The following PIK3C3 variants were observed in gnomAD, a reference collection of about 807,000 sequenced individuals.
PIK3C3 encodes phosphatidylinositol 3-kinase catalytic subunit type 3.
PIK3C3 carries 95 observed loss-of-function variants against 126.1 expected under a neutral mutation model. The observed-to-expected ratio is 0.75, with a 90% CI of 0.64 to 0.89. The LOEUF is 0.89. Among genes scored for constraint, PIK3C3 ranks in the 40% least tolerant of loss-of-function variants. PIK3C3 has a pLI of 0.00. For synonymous variants in PIK3C3, 374 were observed against 360.0 expected (o/e 1.04, Z -0.44); for missense variants, 829 against 1,063.2 (o/e 0.78, Z 3.06).
intron 23 of PIK3C3, among the ~76,000 whole-genome samples, chr18:42,065,588 A>G (rs1277293259): frequency 1.3e-5 from 2 of 152,218 alleles, no homozygotes; most frequent in Non-Finnish European, 2.9e-5. Context: ...AGGAACAGGA[A>G]CGATGTCAAT....
At chr18:42,068,229 CA>C (rs1381395806) in intron 24 of PIK3C3, among the ~76,000 whole-genome samples, 1 of 152,164 alleles carries the variant, frequency 6.6e-6, no homozygotes, top group African/African-American at 2.4e-5. Flanking sequence ...CTTTTTAACC[CA>C]GTTTTTTTAA....
At chr18:42,038,242 T>G (rs1411547568) in intron 17 of PIK3C3, among the ~76,000 whole-genome samples, 1 of 152,128 alleles carries the variant, frequency 6.6e-6, no homozygotes, top group Non-Finnish European at 1.5e-5. Flanking sequence ...ACAACCCTAT[T>G]GTTCATTGAA....
intron 3 of PIK3C3, among the ~76,000 whole-genome samples, chr18:41,964,093 A>G (rs985008114): frequency 2.0e-5 from 3 of 151,988 alleles, no homozygotes; most frequent in Admixed American, 2.0e-4. Context: ...TTGTGCTTTT[A>G]TTCCTTTATA....
intron 14 of PIK3C3, 117 bp from the exon 15 acceptor site, chr18:42,029,208 G>T: frequency 4.6e-6 from 3 of 653,944 alleles, no homozygotes; most frequent in African/African-American, 1.8e-5. Flanking sequence ...TTTCAGTTTT[G>T]CTTTCTATTT....
chr18:42,011,201 A>C (rs1201200196), intron 10 of PIK3C3, among the ~76,000 whole-genome samples: 1 of 152,196 alleles, frequency 6.6e-6, no homozygotes, highest in Non-Finnish European at 1.5e-5. Context: ...CAGTGGCTTC[A>C]ACTTAAAGTC....
intron 4 of PIK3C3, among the ~76,000 whole-genome samples, chr18:41,982,376 T>G (rs1274714477): frequency 6.6e-6 from 1 of 152,198 alleles, no homozygotes; most frequent in Non-Finnish European, 1.5e-5. Flanking sequence ...TGGATCTAGT[T>G]GAAGGGCCCT....
intron 21 of PIK3C3, among the ~76,000 whole-genome samples, chr18:42,054,136 A>ATCTATC (rs1568002641): frequency 8.2e-5 from 1 of 12,264 alleles, no homozygotes; most frequent in East Asian, 2.7e-3. Flanking sequence ...GTATATATAT[A>ATCTATC]TATATATATA....
At position 41,970,379 on chromosome 18, in the gene PIK3C3, G is replaced by A. The variant is rs758382094; in HGVS notation, c.454G>A (p.Asp152Asn). ...DLKVWPNVEA[D>N]GSEPTKTPGR... Reference sequence around the variant, plus strand: ...GAAAGTCTGGCCTAATGTAGAAGCAGATGGATCAGAACCCACAAAAACTCC... The same window carrying A: ...GAAAGTCTGGCCTAATGTAGAAGCAAATGGATCAGAACCCACAAAAACTCC... Residue 152 changes from aspartate to asparagine, a missense_variant, in exon 4 of 25, where the codon GAT becomes AAT. Around this residue, in one of 4 missense-constraint regions of PIK3C3, gnomAD observed 313 missense variants for 340.7 expected, o/e 0.92. Transcript: ENST00000262039. 1 of 1,613,246 alleles carries A rather than the reference G, an allele frequency of 6.2e-7. No individual in the cohort carries two copies. Among genetic ancestry groups the A allele is most frequent in the Non-Finnish European group, 8.5e-7 (1 of 1,179,308 alleles).
chr18:42,075,611 T>TAGATG (rs1357938549), intron 24 of PIK3C3, among the ~76,000 whole-genome samples: 2 of 151,710 alleles, frequency 1.3e-5, no homozygotes, highest in African/African-American at 4.8e-5. Context: ...CTAAGGTTAA[T>TAGATG]AGATGACAAA....
At chr18:42,017,208 A>G (rs1361017555) in intron 12 of PIK3C3, among the ~76,000 whole-genome samples, 1 of 152,102 alleles carries the variant, frequency 6.6e-6, no homozygotes, top group African/African-American at 2.4e-5. Flanking sequence ...ATCAAGCTGA[A>G]TTACCTCTCT....
In PIK3C3 at chr18:42,076,107, TATATATATATATATGCGC is replaced by T. The variant is rs1378868979; in HGVS notation, c.2650-5001_2650-4984del. ...TACCTTGCATATATATATATATATA[TATATATATATATATGCGC>T]ATATATATATATATATATGCGCATA... On this transcript the variant is annotated intron_variant, in intron 24 of 24. Coordinates refer to ENST00000262039, the MANE Select transcript of PIK3C3 (RefSeq NM_002647.4). Among the ~76,000 whole-genome samples, 73 of 77,540 alleles carry T rather than the reference TATATATATATATATGCGC, an allele frequency of 9.4e-4. 1 individual carries two copies. Among genetic ancestry groups the T allele is most frequent in the East Asian group, 2.5e-3 (7 of 2,780 alleles). The allele number at this position is 77,540 out of a possible 152,430, so 50.9% of individuals were successfully genotyped here. A position where few individuals can be genotyped will look rare whatever the true frequency, so the allele number is the denominator to read the frequency against.
rs142355541 is a variant in PIK3C3 at position 41,982,054 on chromosome 18, C to G, written c.532-5758C>G. On this transcript the variant is annotated intron_variant, in intron 4 of 24. Transcript: ENST00000262039. ...TATTGTCTTTTTTTGAAGAATTACA[C>G]TTTTTTAGTAATATAATTCTAGTGC... is the stretch of plus-strand genomic sequence containing the variant. Among the ~76,000 whole-genome samples the G allele has an allele frequency of 4.0e-5, 6 of 151,766 alleles. No individual in the cohort carries two copies. In the East Asian group the frequency reaches 9.7e-4, roughly 24 times the overall value.
rs547737310 is a variant in PIK3C3 at position 41,996,015 on chromosome 18, T to G, written c.891+21T>G. The G allele has an allele frequency of 1.2e-5, 18 of 1,510,346 alleles. No homozygotes were observed. In the South Asian group the frequency reaches 1.8e-4, roughly 15 times the overall value. The allele number at this position is 1,510,346 out of a possible 1,614,324, so 93.6% of individuals were successfully genotyped here. On this transcript the variant is annotated intron_variant, in intron 8 of 24. Transcript: ENST00000262039. Reference sequence around the variant, plus strand: ...TAAATGTAAGAGAATTATGAAATATTAATTTAAAAATAGTTAAATGGGTGT... The same window carrying G: ...TAAATGTAAGAGAATTATGAAATATGAATTTAAAAATAGTTAAATGGGTGT...
chr18:42,059,710 G>A (rs1275163519), intron 22 of PIK3C3: 1 of 150,844 alleles, frequency 6.6e-6, no homozygotes, highest in Non-Finnish European at 1.5e-5. Context: ...AATGAAAACT[G>A]TTTAACTTTT....
At chr18:42,078,357 C>T (rs1430385994) in intron 24 of PIK3C3, among the ~76,000 whole-genome samples, 3 of 136,160 alleles carry the variant, frequency 2.2e-5, no homozygotes, top group African/African-American at 8.5e-5. Context: ...GCAGTCCGGC[C>T]TGGGCAACAG....
chr18:42,063,134 C>G (rs1392745625), intron 22 of PIK3C3, among the ~76,000 whole-genome samples: 2 of 140,958 alleles, frequency 1.4e-5, no homozygotes, highest in Non-Finnish European at 3.0e-5. Flanking sequence ...TCAAATACAA[C>G]TATACCGCCT....
Position 41,995,995 on chromosome 18 carries a change from G to A in PIK3C3, c.891+1G>A, listed in dbSNP as rs1057018139. 12 of 1,583,074 alleles carry A rather than the reference G, an allele frequency of 7.6e-6. No individual in the cohort carries two copies. The highest frequency in any genetic ancestry group is 1.0e-5 in the Non-Finnish European group (12 of 1,152,600). On this transcript the variant is annotated splice_donor_variant, in intron 8 of 24. Coordinates refer to ENST00000262039, the MANE Select transcript of PIK3C3 (RefSeq NM_002647.4). LOFTEE classifies it high-confidence loss of function. Reference sequence around the variant, plus strand: ...TGCTGCCACGAGAGATCAGTTAAATGTAAGAGAATTATGAAATATTAATTT... The same window carrying A: ...TGCTGCCACGAGAGATCAGTTAAATATAAGAGAATTATGAAATATTAATTT...
At chr18:42,052,987 G>A (rs1984870190) in intron 21 of PIK3C3, 1 of 152,104 alleles carries the variant, frequency 6.6e-6, no homozygotes, top group Non-Finnish European at 1.5e-5. Context: ...AGCAGGTTTA[G>A]AGTCTAAGAT....
chr18:42,028,045 T>G (rs762259746), intron 14 of PIK3C3, among the ~76,000 whole-genome samples: 3 of 152,216 alleles, frequency 2.0e-5, no homozygotes, highest in Admixed American at 1.3e-4. Context: ...GTTCATAAAT[T>G]TATTGGAATA....
Sources: allele counts gnomAD v4.1 joint callset (sites outside exome capture counted in the v4.1 genomes callset), GRCh38; gene constraint gnomAD v4.1.1; regional missense constraint gnomAD v4.1.1; transcripts MANE v1.5; gene names NCBI Gene and HGNC (gene_info 2026-07-23, HGNC 2026-07-21).